CDYL: variants seen among roughly 807,000 people sequenced by gnomAD.
The protein encoded by CDYL is chromodomain Y-like protein.
A neutral mutation model predicts 47.3 loss-of-function variants in CDYL; 8 were observed. The observed-to-expected ratio is 0.17, with a 90% confidence interval of 0.10 to 0.31. The LOEUF is 0.31. CDYL is among the 10% of genes least tolerant of loss of function. The pLI, the probability that CDYL is intolerant of heterozygous loss-of-function variation, is 1.00. For synonymous variants in CDYL, 266 were observed against 265.0 expected (o/e 1.00, Z -0.04); for missense variants, 471 against 701.4 (o/e 0.67, Z 3.71).
chr6:4,787,338 C>A (rs1758782010), intron 1 of CDYL, among the ~76,000 whole-genome samples: 1 of 152,150 alleles, frequency 6.6e-6, no homozygotes, highest in Non-Finnish European at 1.5e-5. Flanking sequence ...TCCCCAGAAT[C>A]ATTTGGCACG....
At chr6:4,765,862 T>A (rs1758244412) in intron 3 of CDYL, among the ~76,000 whole-genome samples, 1 of 151,844 alleles carries the variant, frequency 6.6e-6, no homozygotes, top group African/African-American at 2.4e-5. Flanking sequence ...CCATGCCTGT[T>A]GAACAAAGTC....
chr6:4,875,218 G>A (rs1165376192), intron 1 of CDYL, among the ~76,000 whole-genome samples: 2 of 152,122 alleles, frequency 1.3e-5, no homozygotes, highest in Non-Finnish European at 2.9e-5. Context: ...AGCCACTGTA[G>A]TAAGACTTGA....
chr6:4,800,176 G>A (rs1759184239), intron 1 of CDYL, among the ~76,000 whole-genome samples: 1 of 151,876 alleles, frequency 6.6e-6, no homozygotes, highest in African/African-American at 2.4e-5. Flanking sequence ...GGTTATATTA[G>A]GTCTATCATT....
intron 1 of CDYL, among the ~76,000 whole-genome samples, chr6:4,785,756 A>G (rs1412824865): frequency 6.6e-6 from 1 of 152,236 alleles, no homozygotes; most frequent in African/African-American, 2.4e-5. Flanking sequence ...TCCTTTAGGC[A>G]TTATGTACTT....
At chr6:4,866,606 T>C (rs1761330392) in intron 1 of CDYL, among the ~76,000 whole-genome samples, 1 of 152,166 alleles carries the variant, frequency 6.6e-6, no homozygotes, top group Non-Finnish European at 1.5e-5. Context: ...CATTTTATTA[T>C]AACGTTGATG....
chr6:4,924,505 CTT>C (rs1268540213), intron 2 of CDYL, among the ~76,000 whole-genome samples: 1 of 152,172 alleles, frequency 6.6e-6, no homozygotes, highest in Non-Finnish European at 1.5e-5. Flanking sequence ...TCAGGTTTTT[CTT>C]TTGCTTTTAA....
chr6:4,738,295 T>G (rs1160689549), intron 3 of CDYL, among the ~76,000 whole-genome samples: 1 of 152,198 alleles, frequency 6.6e-6, no homozygotes, highest in East Asian at 1.9e-4. Flanking sequence ...AAGAATCATT[T>G]GAACCTGGGA....
chr6:4,904,210 A>G (rs1001627638), intron 2 of CDYL, among the ~76,000 whole-genome samples: 1 of 152,190 alleles, frequency 6.6e-6, no homozygotes, highest in African/African-American at 2.4e-5. Flanking sequence ...ATTATACTAA[A>G]CTGATCCTTG....
At chr6:4,923,140 T>G (rs34040930) in intron 2 of CDYL, among the ~76,000 whole-genome samples, 2 of 152,136 alleles carry the variant, frequency 1.3e-5, no homozygotes, top group Non-Finnish European at 2.9e-5. Context: ...TTTTAGTCAC[T>G]CTGCAGTGCC....
intron 2 of CDYL, among the ~76,000 whole-genome samples, chr6:4,930,224 A>G (rs914768352): frequency 2.6e-5 from 4 of 152,160 alleles, no homozygotes; most frequent in African/African-American, 9.7e-5. Flanking sequence ...TCTTTCCTCA[A>G]AAGTTGTTCA....
At chr6:4,798,023 A>G (rs538870029) in intron 1 of CDYL, among the ~76,000 whole-genome samples, 44 of 151,708 alleles carry the variant, frequency 2.9e-4, no homozygotes, top group Non-Finnish European at 5.2e-4. Flanking sequence ...CCCAGGCTGG[A>G]ATGCAGTGGC....
At chr6:4,736,774 G>A (rs1199189794) in intron 3 of CDYL, among the ~76,000 whole-genome samples, 1 of 151,710 alleles carries the variant, frequency 6.6e-6, no homozygotes. Context: ...ATGAAACATT[G>A]AAAAGGAGTA....
chr6:4,887,973 A>G (rs1761943101), intron 1 of CDYL, among the ~76,000 whole-genome samples: 1 of 144,598 alleles, frequency 6.9e-6, no homozygotes, highest in Non-Finnish European at 1.5e-5. Context: ...TTTCCCCTTT[A>G]TTCTATTGAT....
intron 1 of CDYL, among the ~76,000 whole-genome samples, chr6:4,780,172 C>T (rs62384855): frequency 1.3e-5 from 2 of 151,610 alleles, no homozygotes; most frequent in African/African-American, 4.8e-5. Context: ...CAGCTCTAGA[C>T]TTAGAGCTGG....
At chr6:4,875,175 C>G (rs549916262) in intron 1 of CDYL, among the ~76,000 whole-genome samples, 2 of 152,246 alleles carry the variant, frequency 1.3e-5, no homozygotes, top group South Asian at 4.1e-4. Flanking sequence ...TGTCCTGCAT[C>G]CTAGCAGCAC....
At chr6:4,842,769 T>C (rs1228209022) in intron 1 of CDYL, among the ~76,000 whole-genome samples, 1 of 152,174 alleles carries the variant, frequency 6.6e-6, no homozygotes, top group African/African-American at 2.4e-5. Flanking sequence ...AGATGCTAGG[T>C]ATTATTCTAT....
intron 1 of CDYL, among the ~76,000 whole-genome samples, chr6:4,709,853 A>T (rs1218054873): frequency 6.6e-6 from 1 of 152,224 alleles, no homozygotes; most frequent in East Asian, 1.9e-4. Context: ...CAATATTTTA[A>T]AGAAATGAAT....
At chr6:4,757,154 T>C (rs147552919) in intron 3 of CDYL, among the ~76,000 whole-genome samples, 112 of 152,314 alleles carry the variant, frequency 7.4e-4, no homozygotes, top group African/African-American at 2.5e-3. Flanking sequence ...AATATAACTT[T>C]AGTGTTGAAA....
At chr6:4,757,070 T>C (rs1758086124) in intron 3 of CDYL, among the ~76,000 whole-genome samples, 1 of 152,206 alleles carries the variant, frequency 6.6e-6, no homozygotes, top group Non-Finnish European at 1.5e-5. Flanking sequence ...CTATAACTGA[T>C]TGACATGAAT....
Sources: allele counts gnomAD v4.1 joint callset (sites outside exome capture counted in the v4.1 genomes callset), GRCh38; gene constraint gnomAD v4.1.1; transcripts MANE v1.5; gene names NCBI Gene and HGNC (gene_info 2026-07-23, HGNC 2026-07-21).